The following UGT2A2 variants were observed in gnomAD, a reference collection of about 807,000 sequenced individuals.
UGT2A2 encodes the protein UDP glucuronosyltransferase family 2 member A2, also known as UDP-glucuronosyltransferase 2A2.
Under a neutral mutation model 50.7 loss-of-function variants are expected in UGT2A2, and 60 were observed. The ratio of observed to expected loss-of-function variants is 1.18; its 90% confidence interval spans 0.96 to 1.47. The LOEUF (loss-of-function observed/expected upper bound fraction) is 1.47, where lower values mean the gene tolerates loss of function less well. Ranked by LOEUF, UGT2A2 falls within the 40% of genes most tolerant of loss-of-function variation. UGT2A2 has a pLI of 0.00. For missense variants in UGT2A2, 762 were observed against 634.0 expected (o/e 1.20, Z -2.17); for synonymous variants, 242 against 214.6 (o/e 1.13, Z -1.11).
intron 1 of UGT2A2, among the ~76,000 whole-genome samples, chr4:69,609,079 T>A (rs1553904667): frequency 6.6e-6 from 1 of 151,906 alleles, no homozygotes; most frequent in African/African-American, 2.4e-5. Context: ...TAAAAGATAA[T>A]GAGAAAACCA....
chr4:69,613,817 G>C (rs1560479100), intron 1 of UGT2A2, among the ~76,000 whole-genome samples: 1 of 151,798 alleles, frequency 6.6e-6, no homozygotes, highest in Non-Finnish European at 1.5e-5. Context: ...AGTATAGAAG[G>C]AACATAGCTC....
Position 69,594,590 on chromosome 4 carries a change from C to T in UGT2A2, c.1218G>A (p.Gln406=), listed in dbSNP as rs1304344649. 14 of 1,614,014 alleles carry T rather than the reference C, an allele frequency of 8.7e-6. No individual in the cohort carries two copies. The East Asian group carries it at 1.3e-4, about 15-fold the overall frequency. ...PMVGVPMFAD[Q]PDNIAHMKAK... Reference sequence around the variant, plus strand: ...CCTTCATGTGAGCAATGTTATCAGGCTGATCAGCAAACATGGGAACTCCCA... The same window carrying T: ...CCTTCATGTGAGCAATGTTATCAGGTTGATCAGCAAACATGGGAACTCCCA... Residue 406 remains glutamine (Q), a synonymous_variant, in exon 5 of 6, where the codon CAG becomes CAA. Coordinates refer to ENST00000604629, the MANE Select transcript of UGT2A2 (RefSeq NM_001105677.2).
intron 1 of UGT2A2, among the ~76,000 whole-genome samples, chr4:69,608,790 G>A (rs542998862): frequency 6.6e-6 from 1 of 151,886 alleles, no homozygotes; most frequent in Non-Finnish European, 1.5e-5. Context: ...CTGCCTCCTG[G>A]GTTCAAGCCA....
At chr4:69,636,755 T>C (rs73824184) in intron 1 of UGT2A2, among the ~76,000 whole-genome samples, 1 of 152,052 alleles carries the variant, frequency 6.6e-6, no homozygotes, top group African/African-American at 2.4e-5. Context: ...GTAAATAACA[T>C]TTAATATAAG....
rs1718440550 is a variant in UGT2A2 at position 69,589,282 on chromosome 4, G to A, written c.*90C>T. On this transcript the variant is annotated 3_prime_UTR_variant, in exon 6 of 6. Transcript: ENST00000604629. ...GAAACAGGATGGGAGACGTGTTTTT[G>A]TTAAACTCCTTTTGTCTGGAATTAA... is the stretch of plus-strand genomic sequence containing the variant. 1 of 1,399,836 alleles carries A rather than the reference G, an allele frequency of 7.1e-7. No homozygotes were observed. Among genetic ancestry groups the A allele is most frequent in the African/African-American group, 1.4e-5 (1 of 68,998 alleles). The allele number at this position is 1,399,836 out of a possible 1,614,324, so 86.7% of individuals were successfully genotyped here.
chr4:69,608,134 A>G (rs1318220671), intron 1 of UGT2A2, among the ~76,000 whole-genome samples: 2 of 152,172 alleles, frequency 1.3e-5, no homozygotes, highest in African/African-American at 4.8e-5. Context: ...TGTTTATTGC[A>G]GCGCTATTCA....
Position 69,589,488 on chromosome 4 carries a change from C to A in UGT2A2, c.1495G>T (p.Asp499Tyr). Residue 499 changes from aspartate (D) to tyrosine (Y), a missense_variant, in exon 6 of 6, where the codon GAT becomes TAT. Physicochemically the swap from Asp to Tyr is radical, Grantham distance 160. Transcript: ENST00000604629. ...CAGACCAGCAAGAACCCAATTACAT[C>A]CAAAGAGTGGTACTGGAACCAGGTG... The part of the protein sequence containing the change: ...DLTWFQYHSL[D>Y]VIGFLLVCVT... 1.2e-6 allele frequency: 2 copies of A among 1,614,052 alleles called. No individual in the cohort carries two copies. Among genetic ancestry groups the A allele is most frequent in the Non-Finnish European group, 1.7e-6 (2 of 1,180,008 alleles).
chr4:69,599,353 T>C lies in UGT2A2; in HGVS notation c.784A>G (p.Ile262Val). 2.5e-6 allele frequency: 4 copies of C among 1,613,756 alleles called. No homozygotes were observed. Among genetic ancestry groups the C allele is most frequent in the Non-Finnish European group, 2.5e-6 (3 of 1,179,890 alleles). ...TLCETMGKAE[I>V]WLIRTYWDFE... The stretch of plus-strand genomic sequence containing the variant: ...TCCCAATATGTTCGGATTAACCAAA[T>C]TTCAGCTTTCCCCATAGTCTCACAT... The change falls in exon 2 of 6, where the codon ATT becomes GTT. Residue 262 changes from isoleucine (I) to valine (V), a missense_variant. Transcript: ENST00000604629.
chr4:69,636,546 T>TTC (rs1721721864), intron 1 of UGT2A2, among the ~76,000 whole-genome samples: 1 of 152,116 alleles, frequency 6.6e-6, no homozygotes, highest in Admixed American at 6.6e-5. Flanking sequence ...TTTGTAAAGG[T>TTC]GAGAAGTTGA....
At chr4:69,601,344 C>G (rs548537653) in intron 1 of UGT2A2, among the ~76,000 whole-genome samples, 6 of 152,242 alleles carry the variant, frequency 3.9e-5, no homozygotes, top group African/African-American at 1.4e-4. Context: ...GGTGGCTTAA[C>G]AGAAAGGACA....
intron 1 of UGT2A2, among the ~76,000 whole-genome samples, chr4:69,615,465 A>T (rs889285993): frequency 6.6e-6 from 1 of 152,070 alleles, no homozygotes; most frequent in African/African-American, 2.4e-5. Context: ...AATATTTTCC[A>T]TGTACCCATC....
In UGT2A2 at chr4:69,599,372, C is replaced by T. The variant is rs975747883; in HGVS notation, c.765G>A (p.Glu255=). 6.2e-7 allele frequency: 1 copy of T among 1,613,530 alleles called. No individual in the cohort carries two copies. The highest frequency in any genetic ancestry group is 8.5e-7 in the Non-Finnish European group (1 of 1,179,884). ...KILGRPTTLC[E]TMGKAEIWLI... is the part of the protein sequence containing the mutation. Reference sequence around the variant, plus strand: ...ACCAAATTTCAGCTTTCCCCATAGTCTCACATAACGTAGTGGGTCTTCCTG... The same window carrying T: ...ACCAAATTTCAGCTTTCCCCATAGTTTCACATAACGTAGTGGGTCTTCCTG... Residue 255 remains glutamate (E), a synonymous_variant, in exon 2 of 6, where the codon GAG becomes GAA. Transcript: ENST00000604629.
At position 69,594,612 on chromosome 4, in the gene UGT2A2, C is replaced by A; in HGVS notation, c.1196G>T (p.Gly399Val). Reference protein sequence around the residue: ...EAIYHGVPMVGVPMFADQPDN... With the variant: ...EAIYHGVPMVVVPMFADQPDN... ...AGGCTGATCAGCAAACATGGGAACT[C>A]CCACCATAGGGACTCCGTGGTAAAT... Residue 399 changes from glycine to valine, a missense_variant, in exon 5 of 6, where the codon GGA becomes GTA. Physicochemically the swap from Gly to Val is moderately radical, Grantham distance 109. Transcript: ENST00000604629. The A allele has an allele frequency of 1.9e-6, 3 of 1,614,088 alleles. No individual in the cohort carries two copies. Among genetic ancestry groups the A allele is most frequent in the Non-Finnish European group, 2.5e-6 (3 of 1,180,016 alleles).
intron 1 of UGT2A2, among the ~76,000 whole-genome samples, chr4:69,630,405 A>T (rs1336427406): frequency 6.6e-6 from 1 of 152,024 alleles, no homozygotes; most frequent in Non-Finnish European, 1.5e-5. Context: ...GACTATGTTA[A>T]AGCTACCTTT....
chr4:69,622,538 T>C (rs1042881798), intron 1 of UGT2A2, among the ~76,000 whole-genome samples: 1 of 151,808 alleles, frequency 6.6e-6, no homozygotes, highest in African/African-American at 2.4e-5. Flanking sequence ...ATCTATATAA[T>C]AGACTCAGGG....
intron 1 of UGT2A2, among the ~76,000 whole-genome samples, chr4:69,622,417 A>G (rs1720805852): frequency 6.6e-6 from 1 of 151,782 alleles, no homozygotes. Context: ...AATTATCTGA[A>G]ACAATTCTTA....
intron 1 of UGT2A2, among the ~76,000 whole-genome samples, chr4:69,606,428 T>TA (rs1397254455): frequency 1.5e-5 from 2 of 136,256 alleles, no homozygotes; most frequent in Non-Finnish European, 3.1e-5. Flanking sequence ...TATCTCAAAA[T>TA]AATAAGAGCT....
At chr4:69,629,743 T>C (rs1417139094) in intron 1 of UGT2A2, among the ~76,000 whole-genome samples, 1 of 152,090 alleles carries the variant, frequency 6.6e-6, no homozygotes, top group African/African-American at 2.4e-5. Flanking sequence ...GGGCTACCCT[T>C]CATAGGTCTT....
At chr4:69,611,725 A>G (rs987337859) in intron 1 of UGT2A2, among the ~76,000 whole-genome samples, 6 of 152,178 alleles carry the variant, frequency 3.9e-5, no homozygotes, top group South Asian at 2.1e-4. Flanking sequence ...AGAAAATAAA[A>G]ATCAGCACAC....
Sources: allele counts gnomAD v4.1 joint callset (sites outside exome capture counted in the v4.1 genomes callset), GRCh38; gene constraint gnomAD v4.1.1; transcripts MANE v1.5; gene names NCBI Gene and HGNC (gene_info 2026-07-23, HGNC 2026-07-21).